The following PRR16 variants were observed in gnomAD, a reference collection of about 807,000 sequenced individuals.
The protein encoded by PRR16 is proline rich 16.
PRR16 carries 6 observed loss-of-function variants against 18.2 expected under a neutral mutation model. That is an observed-to-expected ratio of 0.33 (90% confidence interval 0.18 to 0.65). The LOEUF is 0.65. PRR16 is among the 30% of genes least tolerant of loss of function. The pLI is 0.74. For synonymous variants in PRR16, 151 were observed against 147.8 expected (o/e 1.02, Z -0.16); for missense variants, 412 against 376.6 (o/e 1.09, Z -0.78).
the PRR16 span, among the ~76,000 whole-genome samples, chr5:120,752,518 T>C: frequency 6.6e-6 from 1 of 152,026 alleles, no homozygotes; most frequent in Non-Finnish European, 1.5e-5. Flanking sequence ...TATTTGTGCT[T>C]AGACCAAACT....
intron 1 of PRR16, among the ~76,000 whole-genome samples, chr5:120,591,287 G>T (rs116363129): frequency 2.0e-5 from 3 of 151,544 alleles, no homozygotes; most frequent in Non-Finnish European, 4.4e-5. Flanking sequence ...TCCAAAAAAA[G>T]AATAAATAAA....
intron 1 of PRR16, among the ~76,000 whole-genome samples, chr5:120,499,315 T>G (rs11949016): frequency 2.6e-5 from 4 of 151,700 alleles, no homozygotes; most frequent in African/African-American, 9.7e-5. Flanking sequence ...TTCTCCACAT[T>G]GGTCAGGCTG....
chr5:120,494,349 A>AT (rs879134583), intron 1 of PRR16, among the ~76,000 whole-genome samples: 3 of 151,642 alleles, frequency 2.0e-5, no homozygotes, highest in Admixed American at 2.0e-4. Context: ...CATGTCTTTT[A>AT]TTTTTTTGTA....
chr5:120,695,001 G>C, the PRR16 span, among the ~76,000 whole-genome samples: 1 of 152,232 alleles, frequency 6.6e-6, no homozygotes, highest in Non-Finnish European at 1.5e-5. Context: ...ACATATTTCA[G>C]TGAAGTGCAT....
chr5:120,558,635 G>A (rs757562748), intron 1 of PRR16, among the ~76,000 whole-genome samples: 4 of 151,822 alleles, frequency 2.6e-5, no homozygotes, highest in South Asian at 2.1e-4. Flanking sequence ...TCTTTGATAC[G>A]CTGATTTCCT....
chr5:120,497,384 A>ATTTTTTTTT lies in PRR16; in HGVS notation c.159+32754_159+32762dup, dbSNP rs765496177. 1.8e-4 allele frequency among the ~76,000 whole-genome samples: 15 copies of ATTTTTTTTT among 84,170 alleles called. 1 individual carries two copies. Among genetic ancestry groups the ATTTTTTTTT allele is most frequent in the African/African-American group, 6.5e-4 (12 of 18,344 alleles). 55.2% of individuals were successfully genotyped at this position (84,170 alleles called of 152,430 possible). A position where few individuals can be genotyped will look rare whatever the true frequency, so the allele number is the denominator to read the frequency against. Reference sequence around the variant, plus strand: ...TTGCTTCCCCTGTTTTGATGAACTGATTTTTTTTTTTTTTTTTTTTTTTGG... The same window carrying ATTTTTTTTT: ...TTGCTTCCCCTGTTTTGATGAACTGATTTTTTTTTTTTTTTTTTTTTTTTTTTTTTTTGG... On this transcript the variant is annotated intron_variant, in intron 1 of 1. Transcript: ENST00000407149.
At chr5:120,739,329 C>T in the PRR16 span, among the ~76,000 whole-genome samples, 1 of 152,070 alleles carries the variant, frequency 6.6e-6, no homozygotes, top group Non-Finnish European at 1.5e-5. Context: ...TTGCATGTAT[C>T]TAAACACACA....
intron 1 of PRR16, among the ~76,000 whole-genome samples, chr5:120,486,795 C>A (rs1273232525): frequency 6.6e-6 from 1 of 152,102 alleles, no homozygotes; most frequent in East Asian, 1.9e-4. Context: ...ACATGTAAGT[C>A]TTTAATCCAT....
At chr5:120,778,516 G>C in the PRR16 span, among the ~76,000 whole-genome samples, 1 of 152,260 alleles carries the variant, frequency 6.6e-6, no homozygotes, top group South Asian at 2.1e-4. Context: ...AAAAAAGGAA[G>C]TGGAGAATAG....
intron 1 of PRR16, among the ~76,000 whole-genome samples, chr5:120,530,414 C>T (rs963944976): frequency 6.6e-6 from 1 of 151,118 alleles, no homozygotes; most frequent in Non-Finnish European, 1.5e-5. Context: ...TGCCCGATCT[C>T]CTTTTTCTTC....
chr5:120,653,700 A>G (rs1580836896), intron 1 of PRR16, among the ~76,000 whole-genome samples: 1 of 151,756 alleles, frequency 6.6e-6, no homozygotes, highest in Non-Finnish European at 1.5e-5. Context: ...TTAAAAAAAA[A>G]TAGAACAAAG....
the PRR16 span, among the ~76,000 whole-genome samples, chr5:120,762,594 A>G: frequency 1.3e-5 from 2 of 152,116 alleles, no homozygotes; most frequent in African/African-American, 4.8e-5. Flanking sequence ...TCCTTTTGAG[A>G]AATGTCTATA....
the PRR16 span, among the ~76,000 whole-genome samples, chr5:120,755,134 T>C: frequency 1.3e-5 from 2 of 151,966 alleles, no homozygotes; most frequent in Admixed American, 6.6e-5. Context: ...GGCACATGGA[T>C]ACATATGTAA....
intron 1 of PRR16, among the ~76,000 whole-genome samples, chr5:120,579,172 T>C (rs1190906477): frequency 6.6e-6 from 1 of 152,190 alleles, no homozygotes; most frequent in East Asian, 1.9e-4. Context: ...GATGGGTAGA[T>C]TGCAAACATT....
chr5:120,583,903 T>A (rs897132840), intron 1 of PRR16, among the ~76,000 whole-genome samples: 2 of 152,200 alleles, frequency 1.3e-5, no homozygotes, highest in Non-Finnish European at 1.5e-5. Flanking sequence ...AAGATTGACA[T>A]GACTTTTCAA....
chr5:120,602,144 T>G (rs1042351005), intron 1 of PRR16, among the ~76,000 whole-genome samples: 2 of 152,084 alleles, frequency 1.3e-5, no homozygotes, highest in African/African-American at 4.8e-5. Flanking sequence ...AATCTGTAAA[T>G]TTACATTGAG....
intron 1 of PRR16, among the ~76,000 whole-genome samples, chr5:120,488,939 G>C (rs895024777): frequency 6.6e-6 from 1 of 152,132 alleles, no homozygotes; most frequent in African/African-American, 2.4e-5. Context: ...AGGTTGTTCA[G>C]TTTTGATGTA....
chr5:120,744,060 T>G, the PRR16 span, among the ~76,000 whole-genome samples: 1 of 152,062 alleles, frequency 6.6e-6, no homozygotes, highest in Non-Finnish European at 1.5e-5. Flanking sequence ...ATGGACTCAC[T>G]GTACAATGTA....
chr5:120,690,780 A>C (rs1163660774), downstream of PRR16, among the ~76,000 whole-genome samples: 1 of 152,166 alleles, frequency 6.6e-6, no homozygotes, highest in Non-Finnish European at 1.5e-5. Flanking sequence ...ATAAAACTGC[A>C]GTTAGCCTTA....
Sources: gnomAD v4.1 joint callset for allele counts (sites outside exome capture counted in the v4.1 genomes callset) on GRCh38, gnomAD v4.1.1 for gene constraint, MANE v1.5 for transcripts, NCBI Gene and HGNC (gene_info 2026-07-23, HGNC 2026-07-21) for gene names.